Variants in DDX39A observed in about 807,000 individuals in gnomAD.
The protein encoded by DDX39A is DExD-box helicase 39A, also known as ATP-dependent RNA helicase DDX39A.
A neutral mutation model predicts 46.3 loss-of-function variants in DDX39A; 13 were observed. That is an observed-to-expected ratio of 0.28 (90% CI 0.18 to 0.45). The LOEUF (loss-of-function observed/expected upper bound fraction) is 0.45. Among genes scored for constraint, DDX39A ranks in the 20% least tolerant of loss-of-function variants. DDX39A has a pLI of 1.00. For missense variants in DDX39A, 352 were observed against 581.8 expected, an observed-to-expected ratio of 0.61 and a Z score of 4.06; for synonymous variants, 234 against 224.6, an observed-to-expected ratio of 1.04 and a Z score of -0.38.
chr19:14,417,540 C>T (rs896647858), intron 1 of DDX39A, among the ~76,000 whole-genome samples: 3 of 151,600 alleles, frequency 2.0e-5, no homozygotes, highest in Non-Finnish European at 4.4e-5. Context: ...ATGCAAATGA[C>T]GAGTTAACGG....
chr19:14,411,124 A>G lies in DDX39A; in HGVS notation c.478T>C (p.Leu160=), dbSNP rs749393043. ...GLSIKKDEEV[L]KKNCPHVVVG... ...ACGACATGGGGACAGTTCTTCTTCA[A>G]CACTTCTTCATCCTTCTTGATGGAG... The change falls in exon 5 of 11, where the codon TTG becomes CTG. Residue 160 remains leucine (L), a synonymous_variant. Transcript: ENST00000242776. This position sits in a 1 kb window ranked among gnomAD's most constrained non-coding sequence, Gnocchi z 4.1. The G allele has an allele frequency of 6.2e-7, 1 of 1,607,850 alleles. No homozygotes were observed. Among genetic ancestry groups the G allele is most frequent in the Non-Finnish European group, 8.5e-7 (1 of 1,177,736 alleles).
rs1221280736 is a variant in DDX39A at position 14,412,963 on chromosome 19, T to G, written c.208+50A>C. On this transcript the variant is annotated intron_variant, in intron 2 of 10. Transcript: ENST00000242776. The surrounding 1 kb of genome is among the most constrained non-coding windows in gnomAD (Gnocchi z 4.4). ...CACCGCTCTGGGCGGGCAGGGCTGG[T>G]CTTGTCTTGGTGAGGACCTGGGCAA... The G allele has an allele frequency of 6.3e-7, 1 of 1,584,808 alleles. No homozygotes were observed. The highest frequency in any genetic ancestry group is 1.1e-5 in the South Asian group (1 of 87,644).
At chr19:14,418,447 G>A (rs996832452) in intron 1 of DDX39A, among the ~76,000 whole-genome samples, 1 of 152,092 alleles carries the variant, frequency 6.6e-6, no homozygotes, top group Non-Finnish European at 1.5e-5. Context: ...ATTTCCAAAA[G>A]AAAATCTTTT....
At position 14,418,387 on chromosome 19, in the gene DDX39A, T is replaced by G. The variant is rs184457018; in HGVS notation, c.-5+883A>C. On this transcript the variant is annotated intron_variant, in intron 1 of 10. Transcript: ENST00000242776. ...ACGTGTACCCAGTTACCCTCAAGTG[T>G]CCCCAGGCAGGCTTTCCACCCCGGA... Among the ~76,000 whole-genome samples the G allele has an allele frequency of 3.3e-4, 50 of 152,260 alleles. No homozygotes were observed. In the East Asian group the frequency reaches 8.7e-3, roughly 27 times the overall value.
At position 14,410,920 on chromosome 19, in the gene DDX39A, C is replaced by G. The variant is rs1976561310; in HGVS notation, c.613+69G>C. On this transcript the variant is annotated intron_variant, in intron 5 of 10. Coordinates refer to ENST00000242776, the MANE Select transcript of DDX39A (RefSeq NM_005804.4). The surrounding 1 kb of genome is among the most constrained non-coding windows in gnomAD (Gnocchi z 4.3). ...GCCGCCCATGTAACCCACTCAAGAG[C>G]CTTCCGCCTGCTATGGGGCCCGCCT... 1.1e-5 allele frequency: 16 copies of G among 1,430,850 alleles called. No individual in the cohort carries two copies. The highest frequency in any genetic ancestry group is 5.1e-4 in the Middle Eastern group (2 of 3,884). The allele number at this position is 1,430,850 out of a possible 1,614,324, so 88.6% of individuals were successfully genotyped here. A position where few individuals can be genotyped will look rare whatever the true frequency, so the allele number is the denominator to read the frequency against.
chr19:14,413,492 A>C (rs1342294007), intron 1 of DDX39A, among the ~76,000 whole-genome samples: 1 of 150,380 alleles, frequency 6.6e-6, no homozygotes, highest in Non-Finnish European at 1.5e-5. Flanking sequence ...AACTCTCACC[A>C]CAGGCCAGGC....
intron 1 of DDX39A, chr19:14,413,891 T>C (rs766348356): frequency 2.0e-5 from 3 of 152,270 alleles, no homozygotes; most frequent in Non-Finnish European, 4.4e-5. Flanking sequence ...AATAATTAAG[T>C]GCTCTCATGA....
intron 1 of DDX39A, chr19:14,413,986 G>A (rs370304080): frequency 2.0e-5 from 3 of 152,188 alleles, no homozygotes; most frequent in Non-Finnish European, 4.4e-5. Context: ...CTACCTCTTT[G>A]CTTTATTAAT....
In DDX39A at chr19:14,409,671, C is replaced by G; in HGVS notation, c.865-26G>C. 6.2e-7 allele frequency: 1 copy of G among 1,609,758 alleles called. No homozygotes were observed. The highest frequency in any genetic ancestry group is 2.2e-5 in the East Asian group (1 of 44,780). On this transcript the variant is annotated intron_variant, in intron 7 of 10. Transcript: ENST00000242776. The surrounding 1 kb of genome is among the most constrained non-coding windows in gnomAD (Gnocchi z 8.3). ...CTGAGGGAAGGAGTGGCAGTCAGGG[C>G]CACACAGTCCCTGTGGCCCAGTGAC...
chr19:14,410,086 G>A lies in DDX39A; in HGVS notation c.732+130C>T, dbSNP rs1001499294. 7 of 1,042,704 alleles carry A rather than the reference G, an allele frequency of 6.7e-6. No individual in the cohort carries two copies. Among genetic ancestry groups the A allele is most frequent in the Admixed American group, 1.7e-5 (1 of 57,650 alleles). 64.6% of individuals were successfully genotyped at this position (1,042,704 alleles called of 1,614,324 possible). A position where few individuals can be genotyped will look rare whatever the true frequency, so the allele number is the denominator to read the frequency against. Reference sequence around the variant, plus strand: ...ACTCCCAGTTTGACAAGACCGAGGGGAGGAAAGGAGGCTCCGCCGGCTCCC... The same window carrying A: ...ACTCCCAGTTTGACAAGACCGAGGGAAGGAAAGGAGGCTCCGCCGGCTCCC... On this transcript the variant is annotated intron_variant, in intron 6 of 10. Coordinates refer to ENST00000242776, the MANE Select transcript of DDX39A (RefSeq NM_005804.4). This position sits in a 1 kb window ranked among gnomAD's most constrained non-coding sequence, Gnocchi z 4.3.
intron 1 of DDX39A, chr19:14,413,912 A>G (rs1279662244): frequency 2.6e-5 from 4 of 152,316 alleles, no homozygotes; most frequent in African/African-American, 9.6e-5. Context: ...AAGGCCTCCT[A>G]TTGGGCCTGG....
rs747261610 is a variant in DDX39A at position 14,409,591 on chromosome 19, C to A, written c.919G>T (p.Val307Leu). 6.2e-7 allele frequency: 1 copy of A among 1,611,684 alleles called. No individual in the cohort carries two copies. Among genetic ancestry groups the A allele is most frequent in the Non-Finnish European group, 8.5e-7 (1 of 1,179,390 alleles). Residue 307 changes from valine (V) to leucine (L), a missense_variant, in exon 8 of 11, where the codon GTG (valine) becomes TTG (leucine). By Grantham distance (32) the Val-to-Leu change is conservative (BLOSUM62 1). Coordinates refer to ENST00000242776, the MANE Select transcript of DDX39A (RefSeq NM_005804.4). This position sits in a 1 kb window ranked among gnomAD's most constrained non-coding sequence, Gnocchi z 8.3. Reference sequence around the variant, plus strand: ...GCGATGGCCGGGAAGTTCTGCTCCACGAGGAGCTGGGCCAGGGCCATGCAG... The same window carrying A: ...GCGATGGCCGGGAAGTTCTGCTCCAAGAGGAGCTGGGCCAGGGCCATGCAG... ...QRCMALAQLL[V>L]EQNFPAIAIH...
At chr19:14,413,334 A>C (rs1261146258) in intron 1 of DDX39A, 110 bp from the exon 2 acceptor site, 9 of 1,001,226 alleles carry the variant, frequency 9.0e-6, no homozygotes, top group Non-Finnish European at 1.3e-5. Context: ...CATCAGCTCT[A>C]CCTGGGCTGC....
At chr19:14,414,325 T>TTTTTTTATTA (rs1395863016) in intron 1 of DDX39A, among the ~76,000 whole-genome samples, 21 of 133,526 alleles carry the variant, frequency 1.6e-4, no homozygotes, top group African/African-American at 5.7e-4. Context: ...TATCACCTGT[T>TTTTTTTATTA]TTATTATTAT....
At chr19:14,414,900 G>A (rs1041327121) in intron 1 of DDX39A, among the ~76,000 whole-genome samples, 5 of 148,374 alleles carry the variant, frequency 3.4e-5, no homozygotes, top group East Asian at 2.0e-4. Context: ...GGGAGGCGGA[G>A]GTTGTGATGG....
At position 14,411,400 on chromosome 19, in the gene DDX39A, C is replaced by T. The variant is rs1243083919; in HGVS notation, c.429+106G>A. On this transcript the variant is annotated intron_variant, in intron 4 of 10. Coordinates refer to ENST00000242776, the MANE Select transcript of DDX39A (RefSeq NM_005804.4). The surrounding 1 kb of genome is among the most constrained non-coding windows in gnomAD (Gnocchi z 4.1). The stretch of plus-strand genomic sequence containing the variant: ...CAAAAACCACCGCAAACCTCAAAGG[C>T]AGCTGCCCCTGCCAAGCTTGGTAAA... The T allele has an allele frequency of 1.3e-5, 16 of 1,199,236 alleles. No individual in the cohort carries two copies. The highest frequency in any genetic ancestry group is 1.6e-5 in the Non-Finnish European group (13 of 818,654). The allele number at this position is 1,199,236 out of a possible 1,614,324, so 74.3% of individuals were successfully genotyped here.
Position 14,411,355 on chromosome 19 carries a change from T to C in DDX39A, c.429+151A>G, listed in dbSNP as rs2146388159. 1.0e-6 allele frequency: 1 copy of C among 994,970 alleles called. No homozygotes were observed. 61.6% of individuals were successfully genotyped at this position (994,970 alleles called of 1,614,324 possible). ...GCAGGCCCCTGGGAGCCATGCATAATTCATCAGGCTTTTAAGGAGCAAAAA... is the reference window on the plus strand; with the variant it reads ...GCAGGCCCCTGGGAGCCATGCATAACTCATCAGGCTTTTAAGGAGCAAAAA... On this transcript the variant is annotated intron_variant, in intron 4 of 10. Transcript: ENST00000242776. The surrounding 1 kb of genome is among the most constrained non-coding windows in gnomAD (Gnocchi z 4.1).
At position 14,413,142 on chromosome 19, in the gene DDX39A, G is replaced by C. The variant is rs373471233; in HGVS notation, c.79C>G (p.Pro27Ala). The C allele has an allele frequency of 6.2e-7, 1 of 1,614,128 alleles. No homozygotes were observed. Among genetic ancestry groups the C allele is most frequent in the Admixed American group, 1.7e-5 (1 of 60,014 alleles). Residue 27 changes from proline (P) to alanine (A), a missense_variant, in exon 2 of 11, where the codon CCA (proline) becomes GCA (alanine). This residue lies in a region of DDX39A where 46 missense variants were observed against 78.2 expected (regional missense o/e 0.59). Transcript: ENST00000242776. Reference protein sequence around the residue: ...EEPQAPQESTPAPPKKDIKGS... With the variant: ...EEPQAPQESTAAPPKKDIKGS... Reference sequence around the variant, plus strand: ...TTGATGTCTTTCTTAGGGGGAGCTGGTGTGCTCTCTTGAGGAGCCTGGGGC... The same window carrying C: ...TTGATGTCTTTCTTAGGGGGAGCTGCTGTGCTCTCTTGAGGAGCCTGGGGC...
At chr19:14,415,393 G>A (rs1380236589) in intron 1 of DDX39A, among the ~76,000 whole-genome samples, 6 of 151,764 alleles carry the variant, frequency 4.0e-5, no homozygotes, top group Admixed American at 2.6e-4. Context: ...TCTGCCTCCC[G>A]GGCTCAATCA....
Sources: gnomAD v4.1 joint callset for allele counts (sites outside exome capture counted in the v4.1 genomes callset) on GRCh38, gnomAD v4.1.1 for gene constraint, gnomAD v4.1.1 regional missense constraint, Gnocchi (gnomAD v3.1) non-coding constraint, MANE v1.5 for transcripts, NCBI Gene and HGNC (gene_info 2026-07-23, HGNC 2026-07-21) for gene names.